WASF2: variants seen among roughly 807,000 people sequenced by gnomAD.
WASF2 encodes actin-binding protein WASF2.
In WASF2, 14 loss-of-function variants were observed where a neutral mutation model predicts 45.0. The ratio of observed to expected loss-of-function variants is 0.31; its 90% CI spans 0.21 to 0.49. The LOEUF is 0.49. Among genes scored for constraint, WASF2 ranks in the 20% least tolerant of loss-of-function variants. The pLI, the probability that WASF2 is intolerant of heterozygous loss-of-function variation, is 0.99. For synonymous variants in WASF2, 200 were observed against 236.3 expected (o/e 0.85, Z 1.41); for missense variants, 439 against 636.1 (o/e 0.69, Z 3.33).
rs1286914537 is a variant in WASF2, at chr1:27,412,724, A to G, written c.672T>C (p.Tyr224=). 5 of 1,614,136 alleles carry G rather than the reference A, an allele frequency of 3.1e-6. No individual in the cohort carries two copies. In the African/African-American group the frequency reaches 6.7e-5, roughly 22 times the overall value. ...CATTCTGGTACACCAAAGTGGGTGG[A>G]TACCTGACAATGAACCGAATGCCAA... ...ESKEKLGTSG[Y]PPTLVYQNGS... The change falls in exon 7 of 9, where the codon TAT becomes TAC. Residue 224 remains tyrosine, a synonymous_variant. Coordinates refer to ENST00000618852, the MANE Select transcript of WASF2 (RefSeq NM_006990.5).
Position 27,406,067 on chromosome 1 carries a change from G to A in WASF2, c.*2122C>T, listed in dbSNP as rs1378747877. The A allele has an allele frequency of 6.6e-6, 1 of 152,640 alleles. No homozygotes were observed. The highest frequency in any genetic ancestry group is 2.4e-5 in the African/African-American group (1 of 41,438). 9.5% of individuals were successfully genotyped at this position (152,640 alleles called of 1,614,324 possible). On this transcript the variant is annotated 3_prime_UTR_variant, in exon 9 of 9. Transcript: ENST00000618852. ...GGGGTAATTTAGTCAAAGCCATTAG[G>A]CCCAAACCCTGGCCTGGCCAGGCCC...
At chr1:27,489,819 G>C (rs965439287) in intron 1 of WASF2, among the ~76,000 whole-genome samples, 167 bp downstream of exon 1, 1 of 152,154 alleles carries the variant, frequency 6.6e-6, no homozygotes, top group East Asian at 1.9e-4. Context: ...TGAGGGGGTG[G>C]GGTGGACTAA....
At chr1:27,464,853 C>T (rs1185367255) in intron 1 of WASF2, among the ~76,000 whole-genome samples, 1 of 152,184 alleles carries the variant, frequency 6.6e-6, no homozygotes, top group Non-Finnish European at 1.5e-5. Context: ...CTCAGCTTCC[C>T]AAGTAGCTGG....
intron 1 of WASF2, among the ~76,000 whole-genome samples, chr1:27,487,591 T>A (rs1249734420): frequency 2.1e-5 from 2 of 93,790 alleles, no homozygotes; most frequent in Admixed American, 1.7e-4. Flanking sequence ...TATATATATT[T>A]TATATAATAT....
At chr1:27,477,352 C>T (rs1028323343) in intron 1 of WASF2, among the ~76,000 whole-genome samples, 10 of 151,480 alleles carry the variant, frequency 6.6e-5, no homozygotes, top group Admixed American at 5.3e-4. Flanking sequence ...CCAGCCTGGC[C>T]AACATGGCGA....
Position 27,418,346 on chromosome 1 carries a change from G to A in WASF2, c.342C>T (p.Asn114=). 6.2e-7 allele frequency: 1 copy of A among 1,614,228 alleles called. No homozygotes were observed. Among genetic ancestry groups the A allele is most frequent in the Non-Finnish European group, 8.5e-7 (1 of 1,180,026 alleles). Residue 114 remains asparagine (N), a synonymous_variant, in exon 4 of 9, where the codon AAC becomes AAT. Transcript: ENST00000618852. ...TTTCTAAGACAGGCACTGGGAGAGA[G>A]TTTCTGTCAAAAAGCTTCTGGTCTT... The part of the protein sequence containing the change: ...TIQDQKLFDR[N]SLPVPVLETY...
chr1:27,431,912 T>C (rs972721865), intron 1 of WASF2, among the ~76,000 whole-genome samples: 1 of 152,222 alleles, frequency 6.6e-6, no homozygotes, highest in Non-Finnish European at 1.5e-5. Context: ...AATAACAATA[T>C]GTCAATATCT....
At position 27,412,584 on chromosome 1, in the gene WASF2, G is replaced by A. The variant is rs978061287; in HGVS notation, c.812C>T (p.Pro271Leu). The change falls in exon 7 of 9, where the codon CCA (proline) becomes CTA (leucine). Residue 271 changes from proline to leucine, a missense_variant. Physicochemically the swap from Pro to Leu is moderately conservative, Grantham distance 98. This residue lies in a region of WASF2 where 286 missense variants were observed against 373.5 expected (regional missense o/e 0.77). Coordinates refer to ENST00000618852, the MANE Select transcript of WASF2 (RefSeq NM_006990.5). ...TACCACCATTTACCTGAATTCTGCT[G>A]GTGGAGGAGGCAAGTTGTCCTCGGA... ...SFSEDNLPPP[P>L]AEFSYPVDNQ... 4 of 1,614,080 alleles carry A rather than the reference G, an allele frequency of 2.5e-6. No homozygotes were observed. In the Admixed American group the frequency reaches 5.0e-5, roughly 20 times the overall value.
intron 1 of WASF2, among the ~76,000 whole-genome samples, chr1:27,435,453 T>A (rs1217860246): frequency 6.6e-6 from 1 of 152,002 alleles, no homozygotes; most frequent in Non-Finnish European, 1.5e-5. Context: ...GGGTGTGTGG[T>A]GCTACATGCC....
chr1:27,429,001 C>CCT, intron 1 of WASF2, 68 bp from the exon 2 acceptor site: 2 of 719,376 alleles, frequency 2.8e-6, no homozygotes, highest in Non-Finnish European at 4.0e-6. Flanking sequence ...CTGTGTGAAT[C>CCT]TTTTTTTTTT....
At chr1:27,418,174 T>C (rs2016850967) in intron 4 of WASF2, 95 bp downstream of exon 4, 1 of 1,409,186 alleles carries the variant, frequency 7.1e-7, no homozygotes, top group African/African-American at 1.4e-5. Flanking sequence ...AGCTTTTAGA[T>C]ACAATCCTCT....
chr1:27,471,912 G>C lies in WASF2; in HGVS notation c.-44+18074C>G, dbSNP rs972358122. Reference sequence around the variant, plus strand: ...ATCCATTTCTCTCCATCTCTTTAGCGACCTACCTAGTAGTTCAAACTTTCA... The same window carrying C: ...ATCCATTTCTCTCCATCTCTTTAGCCACCTACCTAGTAGTTCAAACTTTCA... On this transcript the variant is annotated intron_variant, in intron 1 of 8. Transcript: ENST00000618852. Among the ~76,000 whole-genome samples, 73 of 152,032 alleles carry C rather than the reference G, an allele frequency of 4.8e-4. 1 individual carries two copies. The highest frequency in any genetic ancestry group is 1.6e-3 in the African/African-American group (68 of 41,368).
chr1:27,435,343 T>C (rs1553149450), intron 1 of WASF2, among the ~76,000 whole-genome samples: 1 of 152,082 alleles, frequency 6.6e-6, no homozygotes, highest in Non-Finnish European at 1.5e-5. Flanking sequence ...CCCAACACTT[T>C]GGGAGCTGAG....
At chr1:27,418,867 G>C (rs1004312036) in intron 3 of WASF2, 87 bp downstream of exon 3, 7 of 1,099,204 alleles carry the variant, frequency 6.4e-6, no homozygotes, top group Admixed American at 2.8e-5. Flanking sequence ...CTCTCCTCAC[G>C]TTTTTTTTTT....
intron 4 of WASF2, among the ~76,000 whole-genome samples, chr1:27,416,479 C>T (rs1196491223): frequency 6.6e-6 from 1 of 152,172 alleles, no homozygotes; most frequent in Admixed American, 6.5e-5. Flanking sequence ...TCCTCTTTTC[C>T]CACCAGTTCC....
intron 1 of WASF2, among the ~76,000 whole-genome samples, chr1:27,441,582 T>A (rs193232138): frequency 5.3e-5 from 8 of 151,704 alleles, no homozygotes; most frequent in Admixed American, 3.3e-4. Context: ...TGAAACCCCA[T>A]CTCTACTAAA....
chr1:27,455,833 T>C (rs1197220876), intron 1 of WASF2, among the ~76,000 whole-genome samples: 1 of 152,178 alleles, frequency 6.6e-6, no homozygotes, highest in African/African-American at 2.4e-5. Context: ...AAGAGAACTC[T>C]ATTATTACTT....
chr1:27,452,252 C>T (rs1476673229), intron 1 of WASF2, among the ~76,000 whole-genome samples: 5 of 152,346 alleles, frequency 3.3e-5, no homozygotes, highest in South Asian at 2.1e-4. Context: ...CCGTGGCTCA[C>T]GCCTGTAATC....
intron 1 of WASF2, among the ~76,000 whole-genome samples, chr1:27,475,803 T>C (rs541622342): frequency 3.2e-4 from 49 of 152,252 alleles, no homozygotes; most frequent in African/African-American, 1.1e-3. Flanking sequence ...AATTTTTGTA[T>C]TTTTTGTAGG....
Sources: allele counts gnomAD v4.1 joint callset (sites outside exome capture counted in the v4.1 genomes callset), GRCh38; gene constraint gnomAD v4.1.1; regional missense constraint gnomAD v4.1.1; transcripts MANE v1.5; gene names NCBI Gene and HGNC (gene_info 2026-07-23, HGNC 2026-07-21).